Variants in ADAMTS19 observed in about 807,000 individuals in gnomAD.
ADAMTS19 encodes the protein ADAM metallopeptidase with thrombospondin type 1 motif 19, also known as A disintegrin and metalloproteinase with thrombospondin motifs 19.
In ADAMTS19, 93 loss-of-function variants were observed where a neutral mutation model predicts 153.3. The observed-to-expected ratio is 0.61, with a 90% CI of 0.51 to 0.72. ADAMTS19 has a LOEUF of 0.72. Ranked by LOEUF, ADAMTS19 falls within the 30% of genes least tolerant of loss-of-function variation. The pLI is 0.00. For missense variants in ADAMTS19, 1,482 were observed against 1,552.1 expected (o/e 0.95, Z 0.76); for synonymous variants, 600 against 556.6 (o/e 1.08, Z -1.10).
chr5:129,520,034 C>G (rs1363245624), intron 3 of ADAMTS19, among the ~76,000 whole-genome samples: 6 of 152,124 alleles, frequency 3.9e-5, no homozygotes, highest in African/African-American at 1.4e-4. Context: ...GTCAGAGTTA[C>G]TGAGGCCGGG....
intron 8 of ADAMTS19, among the ~76,000 whole-genome samples, chr5:129,602,200 C>A (rs1750685310): frequency 6.6e-6 from 1 of 152,208 alleles, no homozygotes; most frequent in African/African-American, 2.4e-5. Flanking sequence ...TCAAGTGATT[C>A]TCCTGCCTCA....
At chr5:129,665,347 G>T in intron 15 of ADAMTS19, 152 bp from the exon 16 acceptor site, 1 of 483,760 alleles carries the variant, frequency 2.1e-6, no homozygotes, top group Non-Finnish European at 3.6e-6. Flanking sequence ...TGGAAATCAT[G>T]ACAGCTTTTA....
At chr5:129,599,972 G>C (rs1349581967) in intron 8 of ADAMTS19, among the ~76,000 whole-genome samples, 1 of 152,068 alleles carries the variant, frequency 6.6e-6, no homozygotes, top group Non-Finnish European at 1.5e-5. Flanking sequence ...GCTAGACAGT[G>C]AGAGACAATA....
chr5:129,714,132 A>C (rs1031531341), intron 21 of ADAMTS19, among the ~76,000 whole-genome samples: 1 of 152,210 alleles, frequency 6.6e-6, no homozygotes, highest in Non-Finnish European at 1.5e-5. Flanking sequence ...AGAAAAATAC[A>C]TATCTGGCCG....
At chr5:129,567,585 C>T (rs182110500) in intron 7 of ADAMTS19, among the ~76,000 whole-genome samples, 29 of 152,048 alleles carry the variant, frequency 1.9e-4, no homozygotes, top group Admixed American at 1.3e-3. Flanking sequence ...AGCTGAATAG[C>T]GGCATGGAGC....
chr5:129,542,181 A>G (rs1341968304), intron 6 of ADAMTS19, among the ~76,000 whole-genome samples: 1 of 152,160 alleles, frequency 6.6e-6, no homozygotes, highest in African/African-American at 2.4e-5. Context: ...GTCAGGAAAG[A>G]TAGCAAAGAG....
chr5:129,606,041 T>C (rs926257625), intron 8 of ADAMTS19, among the ~76,000 whole-genome samples: 5 of 152,040 alleles, frequency 3.3e-5, no homozygotes, highest in Non-Finnish European at 7.4e-5. Context: ...GGAGACATGG[T>C]TTTTCCACCA....
At chr5:129,506,965 G>A (rs975016305) in intron 2 of ADAMTS19, among the ~76,000 whole-genome samples, 1 of 151,944 alleles carries the variant, frequency 6.6e-6, no homozygotes, top group African/African-American at 2.4e-5. Flanking sequence ...TAAAGGTGCT[G>A]TAACTTTCCC....
chr5:129,551,427 G>T (rs1292058001), intron 6 of ADAMTS19, among the ~76,000 whole-genome samples: 1 of 151,500 alleles, frequency 6.6e-6, no homozygotes, highest in African/African-American at 2.4e-5. Flanking sequence ...CCAGTCTTAT[G>T]ATAGAAAATA....
At chr5:129,621,413 T>A (rs1475009650) in intron 9 of ADAMTS19, among the ~76,000 whole-genome samples, 1 of 152,044 alleles carries the variant, frequency 6.6e-6, no homozygotes, top group Admixed American at 6.5e-5. Flanking sequence ...CAAGTCTTAG[T>A]GAGAAATACA....
chr5:129,616,046 A>G (rs1751507853), intron 8 of ADAMTS19, among the ~76,000 whole-genome samples: 1 of 151,950 alleles, frequency 6.6e-6, no homozygotes. Context: ...TTCTTCTTTT[A>G]ACCTCTAATT....
intron 17 of ADAMTS19, among the ~76,000 whole-genome samples, chr5:129,682,915 T>C (rs1261309198): frequency 6.6e-6 from 1 of 152,108 alleles, no homozygotes; most frequent in Admixed American, 6.6e-5. Flanking sequence ...AAAGAAAATA[T>C]AATAAAAATG....
chr5:129,472,825 T>A (rs1161383862), intron 2 of ADAMTS19, among the ~76,000 whole-genome samples: 2 of 150,342 alleles, frequency 1.3e-5, no homozygotes, highest in Non-Finnish European at 3.0e-5. Context: ...ATACATTATA[T>A]TATTATATTT....
At chr5:129,591,311 G>C (rs1395003228) in intron 7 of ADAMTS19, among the ~76,000 whole-genome samples, 1 of 135,320 alleles carries the variant, frequency 7.4e-6, no homozygotes, top group Admixed American at 7.3e-5. Flanking sequence ...TTTTTTTTCT[G>C]AGATGGAGTC....
chr5:129,692,894 G>GGCCT (rs777240609), intron 18 of ADAMTS19, among the ~76,000 whole-genome samples: 7 of 152,080 alleles, frequency 4.6e-5, no homozygotes, highest in Non-Finnish European at 1.0e-4. Flanking sequence ...CAAAGGAAAG[G>GGCCT]GCCTGTTACC....
At chr5:129,610,813 A>G (rs926736921) in intron 8 of ADAMTS19, among the ~76,000 whole-genome samples, 36 of 152,180 alleles carry the variant, frequency 2.4e-4, no homozygotes, top group African/African-American at 4.3e-4. Flanking sequence ...CCAGTAATGG[A>G]ATGGCTGGGT....
chr5:129,524,427 A>T (rs1751931042), intron 3 of ADAMTS19, among the ~76,000 whole-genome samples: 1 of 152,184 alleles, frequency 6.6e-6, no homozygotes, highest in African/African-American at 2.4e-5. Context: ...CGCCAAAAGC[A>T]ATTGCAACAA....
intron 9 of ADAMTS19, among the ~76,000 whole-genome samples, 168 bp downstream of exon 9, chr5:129,620,926 G>A (rs940415513): frequency 6.6e-6 from 1 of 152,138 alleles, no homozygotes; most frequent in Non-Finnish European, 1.5e-5. Context: ...TTTGGGACAT[G>A]TTATTTAACC....
chr5:129,600,113 T>C (rs1292188574), intron 8 of ADAMTS19, among the ~76,000 whole-genome samples: 1 of 152,040 alleles, frequency 6.6e-6, no homozygotes. Context: ...GAAAGAAGAA[T>C]ACAAGAAAAA....
Sources: allele counts gnomAD v4.1 joint callset (sites outside exome capture counted in the v4.1 genomes callset), GRCh38; gene constraint gnomAD v4.1.1; transcripts MANE v1.5; gene names NCBI Gene and HGNC (gene_info 2026-07-23, HGNC 2026-07-21).